Variants in CNTNAP2 observed in about 807,000 individuals in gnomAD.
The protein encoded by CNTNAP2 is contactin associated protein 2, also known as contactin-associated protein-like 2.
Under a neutral mutation model 155.2 loss-of-function variants are expected in CNTNAP2, and 98 were observed. The ratio of observed to expected loss-of-function variants is 0.63; its 90% confidence interval spans 0.54 to 0.75. The LOEUF (loss-of-function observed/expected upper bound fraction) is 0.75. Among genes scored for constraint, CNTNAP2 ranks in the 30% least tolerant of loss-of-function variants. CNTNAP2 has a pLI of 0.00. For missense variants in CNTNAP2, 1,727 were observed against 1,688.1 expected (o/e 1.02, Z -0.40); for synonymous variants, 651 against 631.2 (o/e 1.03, Z -0.47).
chr7:146,686,450 A>G (rs1489114808), intron 1 of CNTNAP2, among the ~76,000 whole-genome samples: 1 of 152,124 alleles, frequency 6.6e-6, no homozygotes, highest in Non-Finnish European at 1.5e-5. Context: ...TTCTCCAGTT[A>G]CCAACAAATA....
chr7:146,156,461 C>CA (rs894006744), intron 1 of CNTNAP2, among the ~76,000 whole-genome samples: 17 of 151,086 alleles, frequency 1.1e-4, no homozygotes, highest in African/African-American at 1.9e-4. Context: ...TAATTTTTTG[C>CA]AAAAAAAAGA....
Position 147,183,600 on chromosome 7 carries a change from G to A in CNTNAP2, c.1348+51091G>A, listed in dbSNP as rs541675513. Among the ~76,000 whole-genome samples the A allele has an allele frequency of 2.0e-5, 3 of 152,148 alleles. No individual in the cohort carries two copies. The East Asian group carries it at 5.8e-4, about 29-fold the overall frequency. On this transcript the variant is annotated intron_variant, in intron 8 of 23. Coordinates refer to ENST00000361727, the MANE Select transcript of CNTNAP2 (RefSeq NM_014141.6). ...GTGTGTTTTTCCTTACAAGTTGAGT[G>A]AAAAATTAAAATGTAACAAAATAGT...
At chr7:147,308,988 A>G (rs185187954) in intron 9 of CNTNAP2, among the ~76,000 whole-genome samples, 3 of 152,336 alleles carry the variant, frequency 2.0e-5, no homozygotes, top group African/African-American at 7.2e-5. Flanking sequence ...AAGCTGTTAT[A>G]CTAAAAATAG....
intron 1 of CNTNAP2, among the ~76,000 whole-genome samples, chr7:146,222,464 G>A (rs1377201119): frequency 6.6e-6 from 1 of 151,878 alleles, no homozygotes; most frequent in African/African-American, 2.4e-5. Flanking sequence ...AGAGAGGATG[G>A]CAAATGAAAG....
chr7:146,793,609 G>A (rs758070177), intron 2 of CNTNAP2, among the ~76,000 whole-genome samples: 7 of 152,250 alleles, frequency 4.6e-5, no homozygotes, highest in Non-Finnish European at 8.8e-5. Flanking sequence ...AAGAATGGCA[G>A]AGGCAAGAAT....
intron 8 of CNTNAP2, among the ~76,000 whole-genome samples, chr7:147,234,621 G>T (rs1427178202): frequency 6.6e-6 from 1 of 152,158 alleles, no homozygotes; most frequent in Non-Finnish European, 1.5e-5. Flanking sequence ...TTACAGGCAT[G>T]AGCCACCGCG....
chr7:147,489,742 A>G (rs1584766785), intron 11 of CNTNAP2, among the ~76,000 whole-genome samples: 1 of 152,176 alleles, frequency 6.6e-6, no homozygotes, highest in East Asian at 1.9e-4. Flanking sequence ...CAGCCTCCCA[A>G]GTAGCTGGGA....
At chr7:146,557,929 A>T (rs1433960326) in intron 1 of CNTNAP2, among the ~76,000 whole-genome samples, 1 of 152,244 alleles carries the variant, frequency 6.6e-6, no homozygotes, top group South Asian at 2.1e-4. Context: ...AAAACACAAC[A>T]ATCAAATTCT....
At chr7:146,889,216 T>C (rs530202411) in intron 3 of CNTNAP2, among the ~76,000 whole-genome samples, 1 of 152,310 alleles carries the variant, frequency 6.6e-6, no homozygotes, top group East Asian at 1.9e-4. Flanking sequence ...TTGCTTTTTC[T>C]GTTTTTCAAA....
chr7:148,306,768 T>TGC (rs2116509646), intron 21 of CNTNAP2, among the ~76,000 whole-genome samples: 1 of 150,814 alleles, frequency 6.6e-6, no homozygotes, highest in African/African-American at 2.4e-5. Flanking sequence ...GGTTGGTTGG[T>TGC]GTGTGTGTGT....
Position 147,623,622 on chromosome 7 carries a change from G to C in CNTNAP2, c.1898-15484G>C, listed in dbSNP as rs148494210. 9.6e-4 allele frequency among the ~76,000 whole-genome samples: 146 copies of C among 151,694 alleles called. 2 individuals carry two copies. In the East Asian group the frequency reaches 0.014, roughly 14 times the overall value. ...GAGGAGAACACCAATAAGATGAAAA[G>C]GTATTTCATATTCATGAATTGAAAT... On this transcript the variant is annotated intron_variant, in intron 12 of 23. Transcript: ENST00000361727.
At chr7:146,597,321 A>G (rs168327) in intron 1 of CNTNAP2, among the ~76,000 whole-genome samples, 126,047 of 151,952 alleles carry the variant, frequency 0.83, 52,910 homozygotes, top group African/African-American at 0.9. Flanking sequence ...TGAGCATGTC[A>G]CCTCTGGTCA....
intron 1 of CNTNAP2, among the ~76,000 whole-genome samples, chr7:146,254,375 A>ATT (rs1799805733): frequency 6.6e-6 from 1 of 152,250 alleles, no homozygotes. Context: ...AATTCTTAGA[A>ATT]TAGTTCTTGG....
intron 1 of CNTNAP2, among the ~76,000 whole-genome samples, chr7:146,262,075 A>G (rs926458111): frequency 2.6e-5 from 4 of 152,112 alleles, no homozygotes; most frequent in African/African-American, 9.7e-5. Context: ...ATAATTTTCC[A>G]CACTGGTCCT....
At chr7:146,216,849 T>C (rs1799122702) in intron 1 of CNTNAP2, among the ~76,000 whole-genome samples, 1 of 152,232 alleles carries the variant, frequency 6.6e-6, no homozygotes, top group South Asian at 2.1e-4. Context: ...GGTTGGTTTA[T>C]ATCATCACCT....
At chr7:146,913,451 T>C (rs1289100100) in intron 3 of CNTNAP2, among the ~76,000 whole-genome samples, 1 of 152,148 alleles carries the variant, frequency 6.6e-6, no homozygotes, top group African/African-American at 2.4e-5. Context: ...ACAAATGATA[T>C]TAGACTGAGT....
intron 22 of CNTNAP2, among the ~76,000 whole-genome samples, chr7:148,394,481 G>A (rs1260736471): frequency 2.0e-5 from 3 of 151,714 alleles, no homozygotes; most frequent in South Asian, 4.2e-4. Flanking sequence ...GAATTTTCCT[G>A]TTCATCCTTG....
chr7:147,614,470 C>A (rs1171225857), intron 12 of CNTNAP2, among the ~76,000 whole-genome samples: 1 of 151,504 alleles, frequency 6.6e-6, no homozygotes, highest in Non-Finnish European at 1.5e-5. Flanking sequence ...TGTATTTTCT[C>A]ATTAGTTATT....
At chr7:147,485,334 A>C (rs1798491883) in intron 10 of CNTNAP2, among the ~76,000 whole-genome samples, 1 of 152,236 alleles carries the variant, frequency 6.6e-6, no homozygotes, top group Admixed American at 6.5e-5. Context: ...AAAAAGATAT[A>C]GATTTGAACA....
Sources: gnomAD v4.1 joint callset for allele counts (sites outside exome capture counted in the v4.1 genomes callset) on GRCh38, gnomAD v4.1.1 for gene constraint, MANE v1.5 for transcripts, NCBI Gene and HGNC (gene_info 2026-07-23, HGNC 2026-07-21) for gene names.